The following OPRM1 variants were observed in gnomAD, a reference collection of about 807,000 sequenced individuals.
The protein encoded by OPRM1 is mu-type opioid receptor.
OPRM1 carries 27 observed loss-of-function variants against 31.8 expected under a neutral mutation model. That is an observed-to-expected ratio of 0.85 (90% CI 0.63 to 1.17). The LOEUF (loss-of-function observed/expected upper bound fraction) is 1.17. Among genes scored for constraint, OPRM1 ranks in the 50% most tolerant of loss-of-function variants. The probability of loss-of-function intolerance (pLI) is 0.00; values close to 1 mark genes in which losing one functional copy is unlikely to be tolerated. For synonymous variants in OPRM1, 196 were observed against 189.9 expected (o/e 1.03, Z -0.26); for missense variants, 536 against 511.1 (o/e 1.05, Z -0.47).
At chr6:154,158,449 G>T (rs1484546442) in intron 3 of OPRM1, 2 of 152,136 alleles carry the variant, frequency 1.3e-5, no homozygotes, top group Non-Finnish European at 2.9e-5. Context: ...TTGGTCTAAG[G>T]TTTGCAGGCA....
chr6:154,086,810 G>C (rs1790689885), intron 1 of OPRM1: 1 of 985,338 alleles, frequency 1.0e-6, no homozygotes, highest in African/African-American at 1.7e-5. Flanking sequence ...CATGTCTTTA[G>C]ATCATGCAGG....
intron 3 of OPRM1, 118 bp downstream of exon 3, chr6:154,091,590 G>A: frequency 6.2e-6 from 9 of 1,444,976 alleles, no homozygotes; most frequent in South Asian, 3.0e-5. Flanking sequence ...AAGAGGGGAA[G>A]CAAATTGTGG....
chr6:154,201,415 G>C (rs914937874), intron 3 of OPRM1, among the ~76,000 whole-genome samples: 6 of 152,070 alleles, frequency 3.9e-5, no homozygotes, highest in African/African-American at 1.4e-4. Flanking sequence ...GCAAAATAAA[G>C]ATTCAGCAAC....
At chr6:154,142,302 T>G (rs1798237290) in intron 3 of OPRM1, among the ~76,000 whole-genome samples, 3 of 152,064 alleles carry the variant, frequency 2.0e-5, no homozygotes, top group Admixed American at 1.3e-4. Flanking sequence ...CCATAGATAA[T>G]AACACCTGAA....
intron 3 of OPRM1, among the ~76,000 whole-genome samples, chr6:154,202,609 T>C (rs1777161865): frequency 6.6e-6 from 1 of 152,212 alleles, no homozygotes; most frequent in African/African-American, 2.4e-5. Context: ...AATTAGATTA[T>C]AGCAAACTGG....
chr6:154,085,706 C>T (rs952676257), intron 1 of OPRM1, among the ~76,000 whole-genome samples: 4 of 152,126 alleles, frequency 2.6e-5, no homozygotes, highest in African/African-American at 7.2e-5. Context: ...GAGTTCTACT[C>T]GGACCCACTC....
At position 154,039,368 on chromosome 6, in the gene OPRM1, G is replaced by C. The variant is rs1478091618; in HGVS notation, c.-177G>C. The C allele has an allele frequency of 6.5e-7, 1 of 1,544,740 alleles. No homozygotes were observed. The highest frequency in any genetic ancestry group is 1.4e-5 in the African/African-American group (1 of 72,936). On this transcript the variant is annotated 5_prime_UTR_variant, in exon 1 of 4. The change abolishes an upstream ATG in the 5' untranslated region. Coordinates refer to ENST00000330432, the MANE Select transcript of OPRM1 (RefSeq NM_000914.5). ...CTATACGCAGAGGAGAATGTCAGAT[G>C]CTCAGCTCGGTCCCCTCCGCCTGAC... is the stretch of plus-strand genomic sequence containing the variant.
intron 3 of OPRM1, chr6:154,167,856 T>C: frequency 1.6e-6 from 2 of 1,253,072 alleles, no homozygotes; most frequent in Non-Finnish European, 2.2e-6. Context: ...AGAATCTCTC[T>C]GCAGAACCAG....
Position 154,055,371 on chromosome 6 carries a change from G to A in OPRM1, c.290+15537G>A, listed in dbSNP as rs907169278. Among the ~76,000 whole-genome samples the A allele has an allele frequency of 2.0e-5, 3 of 151,438 alleles. No homozygotes were observed. The East Asian group carries it at 5.8e-4, about 29-fold the overall frequency. ...CCACTGCACTCCAGTCTGGGTGACA[G>A]AGTGAAACATCGTCTGAAAAAATTA... On this transcript the variant is annotated intron_variant, in intron 1 of 3. Transcript: ENST00000330432.
At chr6:154,187,091 T>C (rs1302178661) in intron 3 of OPRM1, among the ~76,000 whole-genome samples, 1 of 152,176 alleles carries the variant, frequency 6.6e-6, no homozygotes, top group Non-Finnish European at 1.5e-5. Flanking sequence ...CCTCTAGCAC[T>C]GTCTGACTGC....
In OPRM1 at chr6:154,121,199, A is replaced by T. The variant is rs1393041773; in HGVS notation, c.*2478A>T. Among the ~76,000 whole-genome samples the T allele has an allele frequency of 6.6e-6, 1 of 152,158 alleles. No individual in the cohort carries two copies. Among genetic ancestry groups the T allele is most frequent in the African/African-American group, 2.4e-5 (1 of 41,446 alleles). On this transcript the variant is annotated 3_prime_UTR_variant, in exon 4 of 4. Transcript: ENST00000330432. ...TCCCAGGTTGGTATCCCAGAAATGC[A>T]GACTGTAGCTATGGGGCGGAAGCTT...
At chr6:154,200,147 G>T in intron 3 of OPRM1, 1 of 1,013,918 alleles carries the variant, frequency 9.9e-7, no homozygotes, top group Non-Finnish European at 1.4e-6. Flanking sequence ...ATTTCAAAAA[G>T]TGACCAATAA....
intron 3 of OPRM1, chr6:154,110,402 C>A: frequency 6.6e-7 from 1 of 1,508,670 alleles, no homozygotes. Flanking sequence ...GTGAGCATAC[C>A]AAGGGCTAAT....
At chr6:154,169,280 G>C (rs376966914) in intron 3 of OPRM1, among the ~76,000 whole-genome samples, 1 of 152,140 alleles carries the variant, frequency 6.6e-6, no homozygotes, top group Non-Finnish European at 1.5e-5. Context: ...AGAATCACTT[G>C]AGCCTGGGAG....
intron 3 of OPRM1, chr6:154,167,985 G>A (rs762053642): frequency 3.1e-6 from 5 of 1,610,858 alleles, no homozygotes; most frequent in East Asian, 2.2e-5. Context: ...TTTTTACACC[G>A]CTTAACAAAG....
chr6:154,107,950 A>AT (rs71021021), intron 3 of OPRM1: 1 of 552,080 alleles, frequency 1.8e-6, no homozygotes, highest in Non-Finnish European at 3.2e-6. Context: ...ATAAACACTG[A>AT]TTTTTTTATT....
intron 3 of OPRM1, chr6:154,217,413 AC>A (rs1562547883): frequency 2.6e-5 from 4 of 151,714 alleles, no homozygotes; most frequent in Non-Finnish European, 5.9e-5. Context: ...TTCCTAAACC[AC>A]AAGAGGTGGC....
rs17174687 is a variant in OPRM1 at position 154,062,388 on chromosome 6, C to T, written c.290+22554C>T. Among the ~76,000 whole-genome samples, 414 of 152,122 alleles carry T rather than the reference C, an allele frequency of 2.7e-3. 7 individuals carry two copies. The Middle Eastern group carries it at 0.044, about 16-fold the overall frequency. On this transcript the variant is annotated intron_variant, in intron 1 of 3. Coordinates refer to ENST00000330432, the MANE Select transcript of OPRM1 (RefSeq NM_000914.5). The stretch of plus-strand genomic sequence containing the variant: ...TCTATTCCAAGTCAGAAGACAACTC[C>T]ATATTGATTTAATAACCTGTATTGC...
At chr6:154,197,148 TA>T (rs1408278519) in intron 3 of OPRM1, among the ~76,000 whole-genome samples, 1 of 152,178 alleles carries the variant, frequency 6.6e-6, no homozygotes, top group Non-Finnish European at 1.5e-5. Flanking sequence ...ATCCCTGATA[TA>T]AAAACACCTT....
Sources: gnomAD v4.1 joint callset for allele counts (sites outside exome capture counted in the v4.1 genomes callset) on GRCh38, gnomAD v4.1.1 for gene constraint, MANE v1.5 for transcripts, NCBI Gene and HGNC (gene_info 2026-07-23, HGNC 2026-07-21) for gene names.